PPFIA2: variants seen among roughly 807,000 people sequenced by gnomAD.
The protein encoded by PPFIA2 is PPFI scaffold protein A2.
Under a neutral mutation model 175.5 loss-of-function variants are expected in PPFIA2, and 46 were observed. The observed-to-expected ratio is 0.26, with a 90% CI of 0.21 to 0.34. PPFIA2 has a LOEUF of 0.34. Ranked by LOEUF, PPFIA2 falls within the 10% of genes least tolerant of loss-of-function variation. The probability of loss-of-function intolerance (pLI) is 1.00; values close to 1 mark genes in which losing one functional copy is unlikely to be tolerated. For synonymous variants in PPFIA2, 568 were observed against 511.4 expected (o/e 1.11, Z -1.49); for missense variants, 1,179 against 1,506.1 (o/e 0.78, Z 3.60).
chr12:81,385,519 T>C (rs1038981422), intron 8 of PPFIA2, among the ~76,000 whole-genome samples: 5 of 152,138 alleles, frequency 3.3e-5, no homozygotes, highest in Admixed American at 1.3e-4. Flanking sequence ...TGAAATCCTA[T>C]TCAGTTTCTA....
intron 4 of PPFIA2, among the ~76,000 whole-genome samples, chr12:81,501,251 C>A (rs1016688888): frequency 1.3e-5 from 2 of 152,134 alleles, no homozygotes; most frequent in Non-Finnish European, 2.9e-5. Flanking sequence ...ACCTCAGGGC[C>A]TTTGCACTTG....
chr12:81,614,158 C>T (rs949327165), intron 4 of PPFIA2, among the ~76,000 whole-genome samples: 3 of 152,032 alleles, frequency 2.0e-5, no homozygotes, highest in African/African-American at 7.2e-5. Context: ...CTACATACAT[C>T]CACTTGCCTA....
intron 3 of PPFIA2, among the ~76,000 whole-genome samples, chr12:81,706,028 C>T (rs1329005887): frequency 1.3e-5 from 2 of 151,942 alleles, no homozygotes; most frequent in African/African-American, 4.8e-5. Flanking sequence ...ATTTATTTTT[C>T]TTATTTCAAA....
chr12:81,540,259 C>T (rs1028912579), intron 4 of PPFIA2, among the ~76,000 whole-genome samples: 8 of 151,988 alleles, frequency 5.3e-5, no homozygotes, highest in African/African-American at 1.7e-4. Context: ...TTAAAGTCTT[C>T]TTTAATATTT....
At chr12:81,667,624 T>C (rs1204001169) in intron 4 of PPFIA2, among the ~76,000 whole-genome samples, 1 of 152,054 alleles carries the variant, frequency 6.6e-6, no homozygotes, top group Admixed American at 6.6e-5. Flanking sequence ...AAATAATACC[T>C]TCATCTTTCA....
intron 3 of PPFIA2, among the ~76,000 whole-genome samples, chr12:81,705,181 G>A (rs1021588669): frequency 2.0e-5 from 3 of 150,562 alleles, no homozygotes; most frequent in Non-Finnish European, 3.0e-5. Flanking sequence ...CGGGCGCAGT[G>A]GCTCACTCCT....
At chr12:81,609,639 A>G (rs2060687726) in intron 4 of PPFIA2, among the ~76,000 whole-genome samples, 1 of 151,918 alleles carries the variant, frequency 6.6e-6, no homozygotes, top group African/African-American at 2.4e-5. Flanking sequence ...ATCTTTCCTT[A>G]TTCTTTTACT....
intron 4 of PPFIA2, among the ~76,000 whole-genome samples, chr12:81,658,567 G>T (rs1218021352): frequency 2.0e-5 from 3 of 151,948 alleles, no homozygotes; most frequent in South Asian, 2.1e-4. Context: ...TGTGTTAGAT[G>T]AGAACAGTCT....
At chr12:81,316,162 CT>C (rs914435688) in intron 22 of PPFIA2, among the ~76,000 whole-genome samples, 3 of 151,468 alleles carry the variant, frequency 2.0e-5, no homozygotes, top group African/African-American at 7.3e-5. Flanking sequence ...AATTTTTTGT[CT>C]GTAAAACCCC....
chr12:81,287,821 A>G (rs1483273686), intron 24 of PPFIA2, among the ~76,000 whole-genome samples: 1 of 151,826 alleles, frequency 6.6e-6, no homozygotes, highest in Non-Finnish European at 1.5e-5. Flanking sequence ...CAAAGGGCAT[A>G]AAGATATGAG....
chr12:81,380,058 A>C (rs2037293555), intron 9 of PPFIA2, among the ~76,000 whole-genome samples: 1 of 152,154 alleles, frequency 6.6e-6, no homozygotes, highest in Non-Finnish European at 1.5e-5. Flanking sequence ...ATCAAGAAAA[A>C]CGAGCTTATT....
intron 3 of PPFIA2, among the ~76,000 whole-genome samples, chr12:81,740,402 T>G (rs1318614270): frequency 6.6e-6 from 1 of 152,190 alleles, no homozygotes; most frequent in Non-Finnish European, 1.5e-5. Context: ...CCTTAGCTAA[T>G]TCAGAGATAC....
chr12:81,423,929 T>C (rs1056877014), intron 7 of PPFIA2, among the ~76,000 whole-genome samples: 9 of 152,082 alleles, frequency 5.9e-5, no homozygotes, highest in African/African-American at 2.2e-4. Context: ...ATTCAAAAAT[T>C]AGTTGCATTT....
rs1191415997 is a variant in PPFIA2, at chr12:81,642,797, A to G, written c.303+33994T>C. 2.4e-3 allele frequency among the ~76,000 whole-genome samples: 52 copies of G among 21,580 alleles called. 15 individuals carry two copies. Among genetic ancestry groups the G allele is most frequent in the South Asian group, 0.022 (8 of 364 alleles). 14.2% of individuals were successfully genotyped at this position (21,580 alleles called of 152,430 possible). A position where few individuals can be genotyped will look rare whatever the true frequency, so the allele number is the denominator to read the frequency against. On this transcript the variant is annotated intron_variant, in intron 4 of 32. Transcript: ENST00000549396. ...GTATGTATTATATACATACATGTAT[A>G]TGTATGTATGTATTACATACATGTA...
chr12:81,503,772 A>G (rs937693533), intron 4 of PPFIA2, among the ~76,000 whole-genome samples: 2 of 152,100 alleles, frequency 1.3e-5, no homozygotes, highest in Admixed American at 1.3e-4. Flanking sequence ...CTAAATAGCC[A>G]TGTAAATGCA....
chr12:81,687,762 TATA>T (rs908897691), intron 3 of PPFIA2, among the ~76,000 whole-genome samples: 2 of 151,886 alleles, frequency 1.3e-5, no homozygotes, highest in African/African-American at 4.8e-5. Flanking sequence ...GAATATTTAT[TATA>T]ATAATTAATA....
chr12:81,712,955 A>C (rs1321694838), intron 3 of PPFIA2, among the ~76,000 whole-genome samples: 1 of 151,094 alleles, frequency 6.6e-6, no homozygotes, highest in Non-Finnish European at 1.5e-5. Context: ...TTATAAGTTA[A>C]CTGTTCTAAA....
intron 4 of PPFIA2, among the ~76,000 whole-genome samples, chr12:81,572,525 A>G (rs2153415740): frequency 6.6e-6 from 1 of 152,168 alleles, no homozygotes; most frequent in Non-Finnish European, 1.5e-5. Flanking sequence ...TGCCAAAAAC[A>G]GTGCCTACCA....
At chr12:81,272,494 C>G (rs12304085) in intron 28 of PPFIA2, among the ~76,000 whole-genome samples, 65,304 of 151,994 alleles carry the variant, frequency 0.43, 14,915 homozygotes, top group Non-Finnish European at 0.52. Flanking sequence ...AGTCTTTATA[C>G]TTTTCACTTC....
Sources: allele counts gnomAD v4.1 joint callset (sites outside exome capture counted in the v4.1 genomes callset), GRCh38; gene constraint gnomAD v4.1.1; transcripts MANE v1.5; gene names NCBI Gene and HGNC (gene_info 2026-07-23, HGNC 2026-07-21).